The following RAD54L2 variants were observed in gnomAD, a reference collection of about 807,000 sequenced individuals.
The protein encoded by RAD54L2 is helicase ARIP4.
Under a neutral mutation model 138.4 loss-of-function variants are expected in RAD54L2, and 27 were observed. The ratio of observed to expected loss-of-function variants is 0.20; its 90% CI spans 0.14 to 0.27. RAD54L2 has a LOEUF of 0.27. Among genes scored for constraint, RAD54L2 ranks in the 10% least tolerant of loss-of-function variants. The pLI is 1.00. For missense variants in RAD54L2, 1,396 were observed against 1,890.2 expected (o/e 0.74, Z 4.85); for synonymous variants, 644 against 723.2 (o/e 0.89, Z 1.76).
At chr3:51,610,308 G>C (rs762620766) in intron 3 of RAD54L2, among the ~76,000 whole-genome samples, 1 of 152,016 alleles carries the variant, frequency 6.6e-6, no homozygotes, top group Non-Finnish European at 1.5e-5. Context: ...CATTATTAAA[G>C]AATGAATCTT....
chr3:51,544,172 T>C (rs1698629108), intron 2 of RAD54L2, among the ~76,000 whole-genome samples: 2 of 152,230 alleles, frequency 1.3e-5, no homozygotes, highest in South Asian at 4.1e-4. Flanking sequence ...GTGTAGCTAC[T>C]TGGCAAATGT....
intron 19 of RAD54L2, among the ~76,000 whole-genome samples, chr3:51,646,698 C>T (rs966727075): frequency 6.6e-6 from 1 of 152,118 alleles, no homozygotes; most frequent in Non-Finnish European, 1.5e-5. Flanking sequence ...AGCTGCTGGC[C>T]CGTGACCCAG....
intron 3 of RAD54L2, among the ~76,000 whole-genome samples, chr3:51,597,071 A>G (rs1238645882): frequency 6.7e-6 from 1 of 149,274 alleles, no homozygotes; most frequent in African/African-American, 2.5e-5. Context: ...AGGCTGAGAC[A>G]GGAGAGTTGC....
chr3:51,661,381 G>T (rs950882207), intron 22 of RAD54L2, among the ~76,000 whole-genome samples: 1 of 152,152 alleles, frequency 6.6e-6, no homozygotes, highest in Non-Finnish European at 1.5e-5. Context: ...CTTCTTGAAG[G>T]TTCGCACAGG....
chr3:51,611,935 C>T (rs1195039397), intron 3 of RAD54L2, among the ~76,000 whole-genome samples: 1 of 152,040 alleles, frequency 6.6e-6, no homozygotes. Flanking sequence ...GTTCTCTGGT[C>T]CCTGGGCGGT....
At position 51,590,567 on chromosome 3, in the gene RAD54L2, G is replaced by A. The variant is rs778534803; in HGVS notation, c.139+8G>A. The A allele has an allele frequency of 1.9e-6, 3 of 1,552,346 alleles. No homozygotes were observed. Among genetic ancestry groups the A allele is most frequent in the Non-Finnish European group, 2.6e-6 (3 of 1,147,148 alleles). On this transcript the variant is annotated splice_region_variant and intron_variant, in intron 3 of 22. Coordinates refer to ENST00000684192, the MANE Select transcript of RAD54L2 (RefSeq NM_015106.4). ...AAGAAGACCTGCTGGATGGTAAGTG[G>A]GCTCTATTGAGTGACAGAAGTTGCC...
rs1403800542 is a variant in RAD54L2, at chr3:51,637,691, T to C, written c.1682+188T>C. Among the ~76,000 whole-genome samples, 1 of 152,246 alleles carries C rather than the reference T, an allele frequency of 6.6e-6. No homozygotes were observed. The highest frequency in any genetic ancestry group is 1.5e-5 in the Non-Finnish European group (1 of 68,040). ...TCCACTGTTTCAGTTCTCTGAAAGT[T>C]TGGCCTAGAAGTGCTTCTCTCAAAA... On this transcript the variant is annotated intron_variant, in intron 11 of 22. Transcript: ENST00000684192. This position sits in a 1 kb window ranked among gnomAD's most constrained non-coding sequence, Gnocchi z 5.9.
chr3:51,613,926 G>A (rs1358475768), intron 3 of RAD54L2, among the ~76,000 whole-genome samples: 1 of 152,174 alleles, frequency 6.6e-6, no homozygotes, highest in South Asian at 2.1e-4. Flanking sequence ...TGGTTGTTAC[G>A]ATCAGGATGC....
intron 2 of RAD54L2, among the ~76,000 whole-genome samples, chr3:51,581,061 A>G (rs551924458): frequency 6.6e-6 from 1 of 152,298 alleles, no homozygotes; most frequent in East Asian, 1.9e-4. Context: ...AAGAATTGGT[A>G]ATTGAAAATC....
At chr3:51,553,398 A>G (rs182683286) in intron 2 of RAD54L2, among the ~76,000 whole-genome samples, 2 of 152,338 alleles carry the variant, frequency 1.3e-5, no homozygotes, top group East Asian at 1.9e-4. Context: ...TAATAATAAT[A>G]ATCATAGCAG....
intron 2 of RAD54L2, among the ~76,000 whole-genome samples, chr3:51,554,904 G>A (rs921074597): frequency 6.6e-6 from 1 of 151,954 alleles, no homozygotes; most frequent in Non-Finnish European, 1.5e-5. Context: ...GTGCAGTGGT[G>A]CGACCTCTGC....
At chr3:51,590,077 G>T (rs758898058) in intron 2 of RAD54L2, among the ~76,000 whole-genome samples, 1 of 152,134 alleles carries the variant, frequency 6.6e-6, no homozygotes, top group Admixed American at 6.6e-5. Flanking sequence ...TGCAACCTCT[G>T]CCTCCCCGGT....
chr3:51,571,350 G>A (rs1478718939), intron 2 of RAD54L2, among the ~76,000 whole-genome samples: 1 of 140,532 alleles, frequency 7.1e-6, no homozygotes, highest in Non-Finnish European at 1.5e-5. Context: ...CCATTTTGGT[G>A]TCTAATGAAA....
chr3:51,602,022 C>T (rs866176734), intron 3 of RAD54L2, among the ~76,000 whole-genome samples: 3 of 147,954 alleles, frequency 2.0e-5, no homozygotes, highest in Admixed American at 6.7e-5. Flanking sequence ...AATAGAGACG[C>T]GGTTTCACCA....
chr3:51,607,674 C>A (rs1182459058), intron 3 of RAD54L2, among the ~76,000 whole-genome samples: 1 of 151,746 alleles, frequency 6.6e-6, no homozygotes, highest in East Asian at 2.0e-4. Flanking sequence ...ACTTCCCAGA[C>A]GGGGCGGCCG....
chr3:51,558,397 A>G (rs983578359), intron 2 of RAD54L2, among the ~76,000 whole-genome samples: 11 of 152,002 alleles, frequency 7.2e-5, no homozygotes, highest in African/African-American at 2.7e-4. Context: ...CCATAGCAGC[A>G]TCTTAAATAT....
At chr3:51,644,319 C>T (rs1701215811) in intron 16 of RAD54L2, among the ~76,000 whole-genome samples, 1 of 152,112 alleles carries the variant, frequency 6.6e-6, no homozygotes, top group Admixed American at 6.5e-5. Flanking sequence ...GTGGCATGCA[C>T]CTGTGGTCCC....
intron 3 of RAD54L2, among the ~76,000 whole-genome samples, chr3:51,621,388 T>G (rs1700566481): frequency 6.6e-6 from 1 of 152,212 alleles, no homozygotes; most frequent in East Asian, 1.9e-4. Context: ...ATTTTAAAAT[T>G]GTTACTGCAC....
At chr3:51,604,677 T>C (rs1411434904) in intron 3 of RAD54L2, among the ~76,000 whole-genome samples, 1 of 152,194 alleles carries the variant, frequency 6.6e-6, no homozygotes, top group Non-Finnish European at 1.5e-5. Context: ...GGTGACTAAA[T>C]AGCGGAAGAA....
Sources: gnomAD v4.1 joint callset for allele counts (sites outside exome capture counted in the v4.1 genomes callset) on GRCh38, gnomAD v4.1.1 for gene constraint, Gnocchi (gnomAD v3.1) non-coding constraint, MANE v1.5 for transcripts, NCBI Gene and HGNC (gene_info 2026-07-23, HGNC 2026-07-21) for gene names.